The following CLEC2L variants were observed in gnomAD, a reference collection of about 807,000 sequenced individuals.
The protein encoded by CLEC2L is C-type lectin domain family 2 member L.
CLEC2L carries 14 observed loss-of-function variants against 23.6 expected under a neutral mutation model. The ratio of observed to expected loss-of-function variants is 0.59; its 90% CI spans 0.39 to 0.93. The LOEUF is 0.93. Among genes scored for constraint, CLEC2L ranks in the 40% least tolerant of loss-of-function variants. CLEC2L has a pLI of 0.00. For synonymous variants in CLEC2L, 114 were observed against 121.3 expected (o/e 0.94, Z 0.40); for missense variants, 264 against 282.4 (o/e 0.93, Z 0.47).
At chr7:139,526,463 A>G (rs1229755881) in intron 1 of CLEC2L, among the ~76,000 whole-genome samples, 1 of 152,170 alleles carries the variant, frequency 6.6e-6, no homozygotes, top group Non-Finnish European at 1.5e-5. Flanking sequence ...GTGCTGCTGC[A>G]TTGGCCCAGT....
chr7:139,530,677 G>A (rs866767813), intron 1 of CLEC2L, among the ~76,000 whole-genome samples: 1 of 152,020 alleles, frequency 6.6e-6, no homozygotes, highest in Non-Finnish European at 1.5e-5. Flanking sequence ...GCCGGGTGTG[G>A]TGGCGGGTGC....
intron 1 of CLEC2L, among the ~76,000 whole-genome samples, chr7:139,535,721 TC>T (rs1797644086): frequency 6.6e-6 from 1 of 150,542 alleles, no homozygotes; most frequent in East Asian, 2.0e-4. Flanking sequence ...TTAGGAAGTA[TC>T]TGTGGAGGAG....
chr7:139,540,352 C>T lies in CLEC2L; in HGVS notation c.297C>T (p.Pro99=). ...ASKGCIKCEA[P]CPEDWLLYGR... ...AGGGCTGCATCAAGTGCGAAGCGCC[C>T]TGCCCGGAGGACTGGCTGCTCTACG... The change falls in exon 3 of 5, where the codon CCC becomes CCT. Residue 99 remains proline, a synonymous_variant. Transcript: ENST00000422142. This position sits in a 1 kb window ranked among gnomAD's most constrained non-coding sequence, Gnocchi z 5.8. 1 of 1,611,688 alleles carries T rather than the reference C, an allele frequency of 6.2e-7. No individual in the cohort carries two copies. Among genetic ancestry groups the T allele is most frequent in the Non-Finnish European group, 8.5e-7 (1 of 1,179,222 alleles).
chr7:139,529,520 G>A (rs987751668), intron 1 of CLEC2L, among the ~76,000 whole-genome samples: 5 of 152,196 alleles, frequency 3.3e-5, no homozygotes, highest in African/African-American at 1.2e-4. Context: ...GGCAGCCATC[G>A]TGTAGCTCCA....
chr7:139,541,147 T>C (rs928698165), intron 3 of CLEC2L, among the ~76,000 whole-genome samples: 4 of 152,088 alleles, frequency 2.6e-5, no homozygotes, highest in Non-Finnish European at 4.4e-5. Flanking sequence ...TCGCTGGGAC[T>C]GCAGCTGTGC....
intron 1 of CLEC2L, among the ~76,000 whole-genome samples, chr7:139,535,431 G>A (rs558009579): frequency 6.6e-6 from 1 of 152,258 alleles, no homozygotes; most frequent in East Asian, 1.9e-4. Flanking sequence ...GAAAAAGTTT[G>A]CAAACAGACA....
At chr7:139,527,883 T>A (rs969245714) in intron 1 of CLEC2L, among the ~76,000 whole-genome samples, 5 of 152,220 alleles carry the variant, frequency 3.3e-5, no homozygotes, top group Admixed American at 6.5e-5. Context: ...TTGGTAGTTT[T>A]TAACAGTCAA....
At chr7:139,525,113 G>A (rs1056804112) in intron 1 of CLEC2L, among the ~76,000 whole-genome samples, 2 of 152,180 alleles carry the variant, frequency 1.3e-5, no homozygotes, top group African/African-American at 4.8e-5. Context: ...CGGGCCTGAA[G>A]GACCCAGACG....
intron 3 of CLEC2L, 104 bp from the exon 4 acceptor site, chr7:139,541,917 A>T (rs564399619): frequency 5.2e-6 from 4 of 763,274 alleles, no homozygotes; most frequent in Non-Finnish European, 9.0e-6. Context: ...TGGCGTCTGT[A>T]CATCCCGAGA....
Position 139,539,989 on chromosome 7 carries a change from T to C in CLEC2L, c.266-332T>C, listed in dbSNP as rs1797710240. ...TCCTGCTGTTGGTACCTGGCCTAGCTGGAAGGAGAGGACACATAGCCGCCA... is the reference window on the plus strand; with the variant it reads ...TCCTGCTGTTGGTACCTGGCCTAGCCGGAAGGAGAGGACACATAGCCGCCA... On this transcript the variant is annotated intron_variant, in intron 2 of 4. Coordinates refer to ENST00000422142, the MANE Select transcript of CLEC2L (RefSeq NM_001080511.4). This position sits in a 1 kb window ranked among gnomAD's most constrained non-coding sequence, Gnocchi z 4.1. 6.5e-6 allele frequency: 2 copies of C among 306,474 alleles called. No homozygotes were observed. The highest frequency in any genetic ancestry group is 1.2e-5 in the Non-Finnish European group (2 of 161,544). 19.0% of individuals were successfully genotyped at this position (306,474 alleles called of 1,614,324 possible).
At chr7:139,544,196 G>T (rs1253063651) in intron 4 of CLEC2L, 35 bp from the exon 5 acceptor site, 1 of 1,537,018 alleles carries the variant, frequency 6.5e-7, no homozygotes, top group African/African-American at 1.4e-5. Context: ...GAATGTTCCA[G>T]ATCATAAACG....
intron 2 of CLEC2L, among the ~76,000 whole-genome samples, chr7:139,538,949 T>C (rs1797698644): frequency 1.3e-5 from 2 of 152,194 alleles, no homozygotes; most frequent in African/African-American, 4.8e-5. Context: ...GAGATCCTTA[T>C]GGAAAAGCAG....
chr7:139,527,099 G>A (rs939278170), intron 1 of CLEC2L, among the ~76,000 whole-genome samples: 1 of 152,244 alleles, frequency 6.6e-6, no homozygotes, highest in Non-Finnish European at 1.5e-5. Context: ...ACGTGCTGGA[G>A]CCTTGCTGGG....
At chr7:139,541,839 G>GT (rs1273722796) in intron 3 of CLEC2L, among the ~76,000 whole-genome samples, 182 bp from the exon 4 acceptor site, 3 of 152,232 alleles carry the variant, frequency 2.0e-5, no homozygotes, top group Non-Finnish European at 4.4e-5. Context: ...TTCTGGCAGC[G>GT]TGACTGCAGA....
intron 1 of CLEC2L, chr7:139,534,349 GAAGAC>G: frequency 9.3e-7 from 1 of 1,075,516 alleles, no homozygotes; most frequent in East Asian, 2.4e-5. Context: ...TAAAATGTAT[GAAGAC>G]ATGTGAAAAG....
chr7:139,526,478 G>A (rs1369522811), intron 1 of CLEC2L, among the ~76,000 whole-genome samples: 1 of 152,184 alleles, frequency 6.6e-6, no homozygotes, highest in Non-Finnish European at 1.5e-5. Context: ...CCCAGTGCTG[G>A]CTTTTGTATT....
rs1797653950 is a variant in CLEC2L at position 139,536,256 on chromosome 7, CCCT to C, written c.191-16_191-14del. The stretch of plus-strand genomic sequence containing the variant: ...TGGGATGGGCGGTGGGATGTTGAAC[CCCT>C]CTCTCTTCTCCTAGACACCACCACA... On this transcript the variant is annotated splice_polypyrimidine_tract_variant and intron_variant, in intron 1 of 4. Transcript: ENST00000422142. The C allele has an allele frequency of 6.5e-7, 1 of 1,549,246 alleles. No individual in the cohort carries two copies. The highest frequency in any genetic ancestry group is 8.7e-7 in the Non-Finnish European group (1 of 1,145,388).
intron 1 of CLEC2L, among the ~76,000 whole-genome samples, chr7:139,526,906 T>C (rs1171054103): frequency 2.0e-5 from 3 of 152,220 alleles, no homozygotes; most frequent in African/African-American, 7.2e-5. Context: ...AGAGTTCACG[T>C]AATGAAACAC....
At chr7:139,526,443 C>G (rs1334799015) in intron 1 of CLEC2L, among the ~76,000 whole-genome samples, 2 of 152,116 alleles carry the variant, frequency 1.3e-5, no homozygotes, top group Admixed American at 6.5e-5. Flanking sequence ...CAGGGCTGCT[C>G]CTCTCCAGGG....
Sources: allele counts gnomAD v4.1 joint callset (sites outside exome capture counted in the v4.1 genomes callset), GRCh38; gene constraint gnomAD v4.1.1; non-coding constraint Gnocchi (gnomAD v3.1); transcripts MANE v1.5; gene names NCBI Gene and HGNC (gene_info 2026-07-23, HGNC 2026-07-21).